Variants in SH3TC1 observed in about 807,000 individuals in gnomAD.
SH3TC1 encodes SH3 domain and tetratricopeptide repeat-containing protein 1.
A neutral mutation model predicts 117.3 loss-of-function variants in SH3TC1; 135 were observed. That is an observed-to-expected ratio of 1.15 (90% confidence interval 1.00 to 1.33). The LOEUF (loss-of-function observed/expected upper bound fraction) is 1.33, where lower values mean the gene tolerates loss of function less well. SH3TC1 is among the 40% of genes most tolerant of loss of function. The pLI is 0.00. For synonymous variants in SH3TC1, 898 were observed against 816.9 expected (o/e 1.10, Z -1.69); for missense variants, 2,092 against 1,794.3 (o/e 1.17, Z -3.00).
In SH3TC1 at chr4:8,232,312, G is replaced by A; in HGVS notation, c.3131+156G>A. 2.7e-6 allele frequency: 4 copies of A among 1,480,952 alleles called. No homozygotes were observed. In the African/African-American group the frequency reaches 4.1e-5, roughly 15 times the overall value. 91.7% of individuals were successfully genotyped at this position (1,480,952 alleles called of 1,614,324 possible). Reference sequence around the variant, plus strand: ...GATGCTCTGAGCTGGGGGGCCTGGGGTTGTCCCAGGGCTGCTGATGACCCG... The same window carrying A: ...GATGCTCTGAGCTGGGGGGCCTGGGATTGTCCCAGGGCTGCTGATGACCCG... On this transcript the variant is annotated intron_variant, in intron 13 of 17. Transcript: ENST00000245105.
intron 1 of SH3TC1, among the ~76,000 whole-genome samples, chr4:8,204,452 C>A (rs1718033036): frequency 6.6e-6 from 1 of 152,214 alleles, no homozygotes; most frequent in Non-Finnish European, 1.5e-5. Flanking sequence ...AGGCTCTGGA[C>A]TTGAAAACTG....
intron 12 of SH3TC1, 128 bp downstream of exon 12, chr4:8,228,772 G>A: frequency 1.2e-6 from 1 of 825,982 alleles, no homozygotes; most frequent in South Asian, 2.0e-5. Flanking sequence ...GCAAACAGCA[G>A]ATGTTGGCAA....
intron 17 of SH3TC1, 29 bp downstream of exon 17, chr4:8,237,699 G>T: frequency 6.4e-7 from 1 of 1,564,474 alleles, no homozygotes; most frequent in Non-Finnish European, 8.7e-7. Flanking sequence ...GGCTCAGGGT[G>T]TTCCCGGCCC....
At chr4:8,199,923 C>G (rs1220685946) in intron 1 of SH3TC1, among the ~76,000 whole-genome samples, 2 of 152,234 alleles carry the variant, frequency 1.3e-5, no homozygotes, top group African/African-American at 2.4e-5. Context: ...AATGGACCAG[C>G]AACTGGACCA....
intron 13 of SH3TC1, 191 bp downstream of exon 13, chr4:8,232,347 G>A: frequency 1.9e-6 from 3 of 1,568,840 alleles, no homozygotes; most frequent in Middle Eastern, 1.7e-4. Context: ...GTGAGTCCCA[G>A]CTTGAGCTTC....
chr4:8,185,109 G>C (rs917004588), intron 1 of SH3TC1, among the ~76,000 whole-genome samples: 2 of 151,758 alleles, frequency 1.3e-5, no homozygotes, highest in African/African-American at 2.4e-5. Context: ...GCTGAGGCGG[G>C]TGGATCACTT....
At position 8,236,273 on chromosome 4, in the gene SH3TC1, G is replaced by C. The variant is rs1161888180; in HGVS notation, c.3406-5G>C. 6.5e-7 allele frequency: 1 copy of C among 1,545,292 alleles called. No individual in the cohort carries two copies. Among genetic ancestry groups the C allele is most frequent in the Non-Finnish European group, 8.7e-7 (1 of 1,144,442 alleles). ...GAAGCCTGACCCCACCTGCCTGTGT[G>C]GCAGGACCGGGCCCTGCCCCTGGCA... On this transcript the variant is annotated splice_polypyrimidine_tract_variant and splice_region_variant and intron_variant, in intron 15 of 17. Coordinates refer to ENST00000245105, the MANE Select transcript of SH3TC1 (RefSeq NM_018986.5).
intron 13 of SH3TC1, chr4:8,232,883 C>T: frequency 8.2e-7 from 1 of 1,222,516 alleles, no homozygotes; most frequent in Non-Finnish European, 1.0e-6. Flanking sequence ...ACCAGCAGAG[C>T]AGCATCCATG....
rs956425746 is a variant in SH3TC1, at chr4:8,225,351, TG to T, written c.1285+140del. 18 of 1,007,958 alleles carry T rather than the reference TG, an allele frequency of 1.8e-5. No homozygotes were observed. The African/African-American group carries it at 1.9e-4, about 11-fold the overall frequency. The allele number at this position is 1,007,958 out of a possible 1,614,324, so 62.4% of individuals were successfully genotyped here. A position where few individuals can be genotyped will look rare whatever the true frequency, so the allele number is the denominator to read the frequency against. The stretch of plus-strand genomic sequence containing the variant: ...CCCTCTGTGGTGTGGGCTGGGGGCT[TG>T]GGGGAGGTTGCCTGAGGTGGGCCTG... On this transcript the variant is annotated intron_variant, in intron 11 of 17. Coordinates refer to ENST00000245105, the MANE Select transcript of SH3TC1 (RefSeq NM_018986.5). The surrounding 1 kb of genome is among the most constrained non-coding windows in gnomAD (Gnocchi z 5.5).
intron 3 of SH3TC1, among the ~76,000 whole-genome samples, chr4:8,212,228 C>A (rs1186556759): frequency 6.6e-6 from 1 of 152,030 alleles, no homozygotes; most frequent in African/African-American, 2.4e-5. Context: ...GAGGTGGGTG[C>A]CCCCATGGTC....
chr4:8,191,831 C>T (rs995906577), intron 1 of SH3TC1, among the ~76,000 whole-genome samples: 6 of 152,044 alleles, frequency 3.9e-5, no homozygotes, highest in South Asian at 2.1e-4. Context: ...GGAAACACTG[C>T]GTTCAGCAGA....
At position 8,219,433 on chromosome 4, in the gene SH3TC1, G is replaced by C; in HGVS notation, c.1015G>C (p.Val339Leu). The change falls in exon 9 of 18, where the codon GTG becomes CTG. Residue 339 changes from valine to leucine, a missense_variant. Coordinates refer to ENST00000245105, the MANE Select transcript of SH3TC1 (RefSeq NM_018986.5). ...GDLIEILGAQ[V>L]PSLPWCVGRH... ...CCTCATCGAGATCCTTGGGGCGCAG[G>C]TGCCCAGCCTGCCCTGGTGCGTGGG... is the stretch of plus-strand genomic sequence containing the variant. The C allele has an allele frequency of 6.2e-7, 1 of 1,611,650 alleles. No homozygotes were observed. The highest frequency in any genetic ancestry group is 8.5e-7 in the Non-Finnish European group (1 of 1,178,844).
At position 8,192,797 on chromosome 4, in the gene SH3TC1, G is replaced by T. The variant is rs1180673099; in HGVS notation, c.-57+10587G>T. On this transcript the variant is annotated intron_variant, in intron 1 of 16. Coordinates refer to the SH3TC1 transcript ENST00000508641. The surrounding 1 kb of genome is among the most constrained non-coding windows in gnomAD (Gnocchi z 4.1). ...GTGAGCCACGGTGCCCGGCCCACTT[G>T]TCTTTATTTGTTGCCTTCTCTTCTG... Among the ~76,000 whole-genome samples, 1 of 152,156 alleles carries T rather than the reference G, an allele frequency of 6.6e-6. No homozygotes were observed. Among genetic ancestry groups the T allele is most frequent in the Non-Finnish European group, 1.5e-5 (1 of 68,034 alleles).
chr4:8,216,128 C>A lies in SH3TC1; in HGVS notation c.499C>A (p.Leu167Met), dbSNP rs758408435. 1 of 1,613,456 alleles carries A rather than the reference C, an allele frequency of 6.2e-7. No homozygotes were observed. The highest frequency in any genetic ancestry group is 1.1e-5 in the South Asian group (1 of 91,034). The change falls in exon 6 of 18, where the codon CTG becomes ATG. Residue 167 changes from leucine (L) to methionine (M), a missense_variant. Transcript: ENST00000245105. Reference sequence around the variant, plus strand: ...CTCCACAGGCTTCACTCATCACTGCCTGGCAAACCTGCTCATGGACCAGGC... The same window carrying A: ...CTCCACAGGCTTCACTCATCACTGCATGGCAAACCTGCTCATGGACCAGGC... ...YHALGFTHHC[L>M]ANLLMDQAFW...
In SH3TC1 at chr4:8,218,832, C is replaced by T. The variant is rs545553339; in HGVS notation, c.916+485C>T. ...ATGAAAAGCTGGCACTGCCAGCAGC[C>T]CTTCTCCTTGGATGCCGGGTCCAGC... is the stretch of plus-strand genomic sequence containing the variant. On this transcript the variant is annotated intron_variant, in intron 8 of 17. Coordinates refer to ENST00000245105, the MANE Select transcript of SH3TC1 (RefSeq NM_018986.5). Among the ~76,000 whole-genome samples, 184 of 152,370 alleles carry T rather than the reference C, an allele frequency of 1.2e-3. No individual in the cohort carries two copies. In the Middle Eastern group the frequency reaches 0.02, roughly 17 times the overall value.
At chr4:8,238,743 C>G (rs966853890) in intron 17 of SH3TC1, among the ~76,000 whole-genome samples, 5 of 152,196 alleles carry the variant, frequency 3.3e-5, no homozygotes, top group Non-Finnish European at 7.3e-5. Flanking sequence ...GCCTGGGACC[C>G]AGGGGACGGG....
rs543663064 is a variant in SH3TC1, at chr4:8,233,885, TCATC to T, written c.3282+381_3282+384del. 3.7e-4 allele frequency among the ~76,000 whole-genome samples: 53 copies of T among 145,162 alleles called. 1 individual carries two copies. Among genetic ancestry groups the T allele is most frequent in the Middle Eastern group, 4.2e-3 (1 of 238 alleles). On this transcript the variant is annotated intron_variant, in intron 14 of 17. Transcript: ENST00000245105. Reference sequence around the variant, plus strand: ...ATCCATTCACCTATCATCCTTCCATTCATCCATCCATCATCCATCCATCCATCAT... The same window carrying T: ...ATCCATTCACCTATCATCCTTCCATTCATCCATCATCCATCCATCCATCAT...
chr4:8,209,511 G>C lies in SH3TC1; in HGVS notation c.173-237G>C. On this transcript the variant is annotated intron_variant, in intron 2 of 17. Coordinates refer to ENST00000245105, the MANE Select transcript of SH3TC1 (RefSeq NM_018986.5). The surrounding 1 kb of genome is among the most constrained non-coding windows in gnomAD (Gnocchi z 5.9). ...TGAGAGCGGCGGGATCATACGAGTC[G>C]TGTGGTCTTAAGCCTCTGAGTGTGG... is the stretch of plus-strand genomic sequence containing the variant. 1.3e-6 allele frequency: 1 copy of C among 791,036 alleles called. No homozygotes were observed. The highest frequency in any genetic ancestry group is 2.0e-6 in the Non-Finnish European group (1 of 497,268). 49.0% of individuals were successfully genotyped at this position (791,036 alleles called of 1,614,324 possible).
chr4:8,227,132 CCCGAGGAGCCCTCCTTCTGCTTGGAAG>C lies in SH3TC1; in HGVS notation c.1446_1472del (p.Glu482_Glu490del). 3.1e-6 allele frequency: 5 copies of C among 1,612,094 alleles called. No homozygotes were observed. The highest frequency in any genetic ancestry group is 4.2e-6 in the Non-Finnish European group (5 of 1,179,510). On this transcript the variant is annotated inframe_deletion, in exon 12 of 18. Transcript: ENST00000245105. ...ATCCAGCGACGTGAGCTTGCAGGACCCCGAGGAGCCCTCCTTCTGCTTGGAAGCCGAGGACGACTGGGAGGACCCAGA... is the reference window on the plus strand; with the variant it reads ...ATCCAGCGACGTGAGCTTGCAGGACCCCGAGGACGACTGGGAGGACCCAGA...
Sources: gnomAD v4.1 joint callset for allele counts (sites outside exome capture counted in the v4.1 genomes callset) on GRCh38, gnomAD v4.1.1 for gene constraint, Gnocchi (gnomAD v3.1) non-coding constraint, MANE v1.5 for transcripts, NCBI Gene and HGNC (gene_info 2026-07-23, HGNC 2026-07-21) for gene names.